The following USP34 variants were observed in gnomAD, a reference collection of about 807,000 sequenced individuals.
USP34 encodes ubiquitin specific peptidase 34, also known as ubiquitin carboxyl-terminal hydrolase 34.
USP34 carries 70 observed loss-of-function variants against 460.3 expected under a neutral mutation model. That is an observed-to-expected ratio of 0.15 (90% CI 0.13 to 0.19). USP34 has a LOEUF of 0.19. Ranked by LOEUF, USP34 falls within the 10% of genes least tolerant of loss-of-function variation. The pLI is 1.00. For missense variants in USP34, 3,985 were observed against 4,236.2 expected (o/e 0.94, Z 1.65); for synonymous variants, 1,647 against 1,405.3 (o/e 1.17, Z -3.85).
intron 20 of USP34, among the ~76,000 whole-genome samples, 171 bp from the exon 21 acceptor site, chr2:61,325,628 AT>A (rs1160464221): frequency 2.0e-5 from 3 of 152,150 alleles, no homozygotes; most frequent in Non-Finnish European, 2.9e-5. Context: ...AAACAAAAAA[AT>A]TTATACTATT....
intron 75 of USP34, among the ~76,000 whole-genome samples, chr2:61,195,260 G>A (rs1459027728): frequency 6.6e-6 from 1 of 151,616 alleles, no homozygotes; most frequent in Non-Finnish European, 1.5e-5. Flanking sequence ...TGCCCAGGCT[G>A]GTCTCAAACT....
At chr2:61,258,871 A>T (rs1033243423) in intron 44 of USP34, among the ~76,000 whole-genome samples, 1 of 152,210 alleles carries the variant, frequency 6.6e-6, no homozygotes, top group Non-Finnish European at 1.5e-5. Flanking sequence ...TGACAGAAGA[A>T]GGATGAGACA....
intron 10 of USP34, among the ~76,000 whole-genome samples, chr2:61,365,325 GTGTA>G (rs1237911534): frequency 3.3e-5 from 5 of 151,622 alleles, no homozygotes; most frequent in Admixed American, 2.0e-4. Context: ...GTGTGTGTGT[GTGTA>G]TATATGTATG....
chr2:61,342,910 T>G (rs191556409), intron 16 of USP34, among the ~76,000 whole-genome samples: 72 of 152,314 alleles, frequency 4.7e-4, no homozygotes, highest in East Asian at 2.7e-3. Context: ...GGCATCACAT[T>G]CAGTCAGATG....
chr2:61,370,776 G>C (rs1692598490), intron 8 of USP34, among the ~76,000 whole-genome samples, 197 bp from the exon 9 acceptor site: 2 of 152,132 alleles, frequency 1.3e-5, no homozygotes, highest in Non-Finnish European at 1.5e-5. Flanking sequence ...AATTCCCTGA[G>C]TTTATAAACA....
At chr2:61,238,171 C>T (rs930197561) in intron 53 of USP34, among the ~76,000 whole-genome samples, 1 of 152,144 alleles carries the variant, frequency 6.6e-6, no homozygotes, top group Admixed American at 6.6e-5. Flanking sequence ...GCTGGGATTA[C>T]AGGTGTGAGG....
Position 61,190,359 on chromosome 2 carries a change from A to G in USP34, c.9785T>C (p.Ile3262Thr), listed in dbSNP as rs897368177. Reference protein sequence around the residue: ...ANCANLISTLITNLISQYQNL... With the variant: ...ANCANLISTLTTNLISQYQNL... ...CTGATACTGGCTTATCAAGTTTGTA[A>G]TAAGAGTGCTGATCAAATTGGCACA... Residue 3262 changes from isoleucine (I) to threonine (T), a missense_variant, in exon 78 of 80, where the codon ATT becomes ACT. Physicochemically the swap from Ile to Thr is moderately conservative, Grantham distance 89. Coordinates refer to ENST00000398571, the MANE Select transcript of USP34 (RefSeq NM_014709.4). 5.6e-6 allele frequency: 9 copies of G among 1,613,522 alleles called. No homozygotes were observed. The highest frequency in any genetic ancestry group is 2.7e-5 in the African/African-American group (2 of 74,908).
intron 28 of USP34, 93 bp downstream of exon 28, chr2:61,301,261 G>C: frequency 2.0e-6 from 3 of 1,505,532 alleles, no homozygotes; most frequent in Middle Eastern, 1.8e-4. Context: ...ATATAACAAA[G>C]CAATAAGAGC....
chr2:61,296,660 T>C (rs1004635593), intron 30 of USP34, 140 bp downstream of exon 30: 7 of 718,936 alleles, frequency 9.7e-6, no homozygotes, highest in Admixed American at 3.4e-5. Flanking sequence ...TAAAATGCAG[T>C]GGCACTTTTT....
chr2:61,265,017 G>A (rs1438195105), intron 43 of USP34, among the ~76,000 whole-genome samples: 1 of 152,206 alleles, frequency 6.6e-6, no homozygotes, highest in Non-Finnish European at 1.5e-5. Context: ...AGTGATTCTG[G>A]TAATACTTCT....
intron 20 of USP34, 141 bp from the exon 21 acceptor site, chr2:61,325,598 G>A (rs565521400): frequency 1.3e-5 from 6 of 461,374 alleles, no homozygotes; most frequent in South Asian, 9.5e-5. Context: ...TTGGTTACAC[G>A]AAAGAAGTTC....
intron 57 of USP34, among the ~76,000 whole-genome samples, chr2:61,234,463 T>C (rs1055125653): frequency 6.6e-6 from 1 of 152,100 alleles, no homozygotes; most frequent in Non-Finnish European, 1.5e-5. Context: ...AGGCATAAAC[T>C]GATCTACTGA....
At position 61,399,874 on chromosome 2, in the gene USP34, C is replaced by CAAAAAAAAAAAAAAAAAA. The variant is rs529141667; in HGVS notation, c.553-4642_553-4641insTTTTTTTTTTTTTTTTTT. 3.6e-3 allele frequency among the ~76,000 whole-genome samples: 254 copies of CAAAAAAAAAAAAAAAAAA among 69,902 alleles called. 16 individuals are homozygous for CAAAAAAAAAAAAAAAAAA. The highest frequency in any genetic ancestry group is 0.013 in the African/African-American group (231 of 17,332). The allele number at this position is 69,902 out of a possible 152,430, so 45.9% of individuals were successfully genotyped here. On this transcript the variant is annotated intron_variant, in intron 3 of 79. Transcript: ENST00000398571. Reference sequence around the variant, plus strand: ...GGCAACAGTGCGAGACACTGTCTCCCAAAAAAAAAAAAAAAAAGCTGTATT... The same window carrying CAAAAAAAAAAAAAAAAAA: ...GGCAACAGTGCGAGACACTGTCTCCCAAAAAAAAAAAAAAAAAAAAAAAAAAAAAAAAAAAGCTGTATT...
At chr2:61,189,211 G>A in intron 78 of USP34, 142 bp from the exon 79 acceptor site, 1 of 836,082 alleles carries the variant, frequency 1.2e-6, no homozygotes, top group Non-Finnish European at 1.8e-6. Flanking sequence ...TTCTTAGAAT[G>A]ATAAAACCAG....
chr2:61,200,042 G>A (rs1022684865), intron 75 of USP34: 6 of 152,226 alleles, frequency 3.9e-5, no homozygotes, highest in Admixed American at 3.9e-4. Context: ...GCTTTTTTAG[G>A]CTAAACCTGT....
chr2:61,218,987 G>A (rs1377490406), intron 67 of USP34, among the ~76,000 whole-genome samples: 1 of 152,182 alleles, frequency 6.6e-6, no homozygotes, highest in Non-Finnish European at 1.5e-5. Context: ...TACTCAATGA[G>A]TGAGGAATTA....
At chr2:61,218,188 G>A (rs1281927847) in intron 67 of USP34, among the ~76,000 whole-genome samples, 2 of 149,602 alleles carry the variant, frequency 1.3e-5, no homozygotes, top group African/African-American at 4.9e-5. Context: ...TTGGTTTTAC[G>A]GTCAGGGGTC....
At chr2:61,255,697 G>C (rs555545255) in intron 48 of USP34, among the ~76,000 whole-genome samples, 1 of 152,324 alleles carries the variant, frequency 6.6e-6, no homozygotes. Flanking sequence ...TTCATAAGTG[G>C]TGTGGTGTTC....
intron 70 of USP34, chr2:61,207,100 G>A (rs983729454): frequency 4.5e-6 from 2 of 444,636 alleles, no homozygotes; most frequent in Non-Finnish European, 7.9e-6. Context: ...TATTTTGTGT[G>A]TATATTCTAG....
Sources: allele counts gnomAD v4.1 joint callset (sites outside exome capture counted in the v4.1 genomes callset), GRCh38; gene constraint gnomAD v4.1.1; transcripts MANE v1.5; gene names NCBI Gene and HGNC (gene_info 2026-07-23, HGNC 2026-07-21).